ACADM: variants seen among roughly 807,000 people sequenced by gnomAD.
ACADM encodes the protein medium-chain specific acyl-CoA dehydrogenase, mitochondrial.
A neutral mutation model predicts 58.9 loss-of-function variants in ACADM; 49 were observed. The ratio of observed to expected loss-of-function variants is 0.83; its 90% CI spans 0.66 to 1.06. ACADM has a LOEUF of 1.06. ACADM is among the 50% of genes least tolerant of loss of function. The probability of loss-of-function intolerance (pLI) is 0.00; values close to 1 mark genes in which losing one functional copy is unlikely to be tolerated. For synonymous variants in ACADM, 160 were observed against 157.7 expected (o/e 1.01, Z -0.11); for missense variants, 496 against 507.0 (o/e 0.98, Z 0.21).
chr1:75,738,452 C>A (rs1003089685), intron 6 of ACADM, among the ~76,000 whole-genome samples: 35 of 151,866 alleles, frequency 2.3e-4, no homozygotes, highest in Admixed American at 1.6e-3. Context: ...GAACTCCTAA[C>A]CTCAGGTGAC....
At chr1:75,736,545 C>T (rs1448878581) in intron 6 of ACADM, among the ~76,000 whole-genome samples, 1 of 152,118 alleles carries the variant, frequency 6.6e-6, no homozygotes, top group African/African-American at 2.4e-5. Flanking sequence ...GTAGCATATA[C>T]AGTCAGCTCT....
chr1:75,744,038 T>C (rs1647740385), intron 7 of ACADM: 4 of 1,583,610 alleles, frequency 2.5e-6, no homozygotes, highest in Admixed American at 1.7e-5. Context: ...ATTGTCAGCA[T>C]TGGCACATGT....
chr1:75,729,696 G>A (rs925993768), intron 2 of ACADM, among the ~76,000 whole-genome samples: 12 of 150,760 alleles, frequency 8.0e-5, no homozygotes, highest in Admixed American at 3.3e-4. Flanking sequence ...GTTTTGCCAC[G>A]TTGGCCAGGC....
intron 10 of ACADM, among the ~76,000 whole-genome samples, chr1:75,752,647 T>C (rs1159878999): frequency 8.5e-5 from 13 of 152,240 alleles, no homozygotes; most frequent in Admixed American, 8.5e-4. Flanking sequence ...TTTTCCATTA[T>C]ACCTTCTGTT....
At chr1:75,761,531 A>G in intron 11 of ACADM, 161 bp downstream of exon 11, 1 of 757,868 alleles carries the variant, frequency 1.3e-6, no homozygotes, top group East Asian at 2.7e-5. Flanking sequence ...TAGAAAGAAG[A>G]ATGTTATTTG....
chr1:75,761,371 G>A lies in ACADM; in HGVS notation c.1194+1G>A, dbSNP rs769331400. The A allele has an allele frequency of 2.5e-6, 4 of 1,613,626 alleles. No individual in the cohort carries two copies. In the Admixed American group the frequency reaches 5.0e-5, roughly 20 times the overall value. On this transcript the variant is annotated splice_donor_variant, in intron 11 of 11. Coordinates refer to ENST00000370841, the MANE Select transcript of ACADM (RefSeq NM_000016.6). LOFTEE classifies it high-confidence loss of function. ...AATGAGGGATGCCAAAATCTATCAG[G>A]TAAGGTTAAAGATGATTTTTTTGGT...
intron 6 of ACADM, among the ~76,000 whole-genome samples, chr1:75,735,077 T>C (rs1647219225): frequency 6.6e-6 from 1 of 152,118 alleles, no homozygotes; most frequent in African/African-American, 2.4e-5. Context: ...CCCAGCACTT[T>C]GGGAGGCGGA....
chr1:75,761,171 T>C lies in ACADM; in HGVS notation c.995T>C (p.Leu332Pro). Reference sequence around the variant, plus strand: ...GCTGAAATGGCAATGAAAGTTGAACTAGCTAGAATGAGTTACCAGAGAGCA... The same window carrying C: ...GCTGAAATGGCAATGAAAGTTGAACCAGCTAGAATGAGTTACCAGAGAGCA... ...MLAEMAMKVE[L>P]ARMSYQRAAW... Residue 332 changes from leucine to proline, a missense_variant, in exon 11 of 12, where the codon CTA (leucine) becomes CCA (proline). By Grantham distance (98) the Leu-to-Pro change is moderately conservative. Coordinates refer to ENST00000370841, the MANE Select transcript of ACADM (RefSeq NM_000016.6). The C allele has an allele frequency of 6.2e-7, 1 of 1,614,134 alleles. No individual in the cohort carries two copies. The highest frequency in any genetic ancestry group is 8.5e-7 in the Non-Finnish European group (1 of 1,179,954).
At chr1:75,744,037 A>T in intron 7 of ACADM, 1 of 1,583,980 alleles carries the variant, frequency 6.3e-7, no homozygotes, top group East Asian at 2.2e-5. Flanking sequence ...AATTGTCAGC[A>T]TTGGCACATG....
intron 7 of ACADM, chr1:75,743,919 C>A: frequency 6.7e-7 from 1 of 1,493,842 alleles, no homozygotes. Context: ...AGGCTGAGGC[C>A]TTCACAGATG....
chr1:75,736,173 TACAC>T (rs10647103), intron 6 of ACADM, among the ~76,000 whole-genome samples: 35 of 144,558 alleles, frequency 2.4e-4, no homozygotes, highest in South Asian at 6.7e-4. Flanking sequence ...CACACAGACA[TACAC>T]ACACACACAC....
intron 10 of ACADM, among the ~76,000 whole-genome samples, chr1:75,759,678 T>TTG (rs1648714913): frequency 7.7e-6 from 1 of 130,020 alleles, no homozygotes; most frequent in African/African-American, 2.8e-5. Context: ...TTTTTTTTTT[T>TTG]GAGACAGAGT....
intron 10 of ACADM, among the ~76,000 whole-genome samples, chr1:75,751,537 C>T (rs944615795): frequency 6.0e-5 from 9 of 150,104 alleles, no homozygotes; most frequent in South Asian, 2.1e-4. Context: ...CTTGCTCTGT[C>T]GTCCAAGCTG....
chr1:75,743,866 T>C (rs1647729778), intron 7 of ACADM: 1 of 1,419,262 alleles, frequency 7.0e-7, no homozygotes, highest in East Asian at 2.3e-5. Context: ...TTTGGTTATA[T>C]CATCAATCAC....
intron 1 of ACADM, 106 bp from the exon 2 acceptor site, chr1:75,728,295 G>C: frequency 3.8e-6 from 3 of 799,240 alleles, no homozygotes; most frequent in Non-Finnish European, 3.9e-6. Flanking sequence ...TAAAAACTAT[G>C]AGTATGGTCA....
At chr1:75,756,608 A>C (rs2100438378) in intron 10 of ACADM, among the ~76,000 whole-genome samples, 1 of 152,348 alleles carries the variant, frequency 6.6e-6, no homozygotes, top group South Asian at 2.1e-4. Context: ...GGTAGGAAGA[A>C]TCAATATCGT....
At chr1:75,737,296 A>G (rs1344018922) in intron 6 of ACADM, among the ~76,000 whole-genome samples, 3 of 91,786 alleles carry the variant, frequency 3.3e-5, no homozygotes, top group African/African-American at 1.2e-4. Flanking sequence ...ATATATATAT[A>G]TATATATATA....
In ACADM at chr1:75,763,628, ATATTT is replaced by A. The variant is rs1187583706; in HGVS notation, c.*868_*872del. The A allele has an allele frequency of 6.6e-6, 1 of 152,206 alleles. No individual in the cohort carries two copies. The highest frequency in any genetic ancestry group is 1.5e-5 in the Non-Finnish European group (1 of 68,030). The allele number at this position is 152,206 out of a possible 1,614,324, so 9.4% of individuals were successfully genotyped here. On this transcript the variant is annotated 3_prime_UTR_variant, in exon 12 of 12. Coordinates refer to ENST00000370841, the MANE Select transcript of ACADM (RefSeq NM_000016.6). Reference sequence around the variant, plus strand: ...AAGTTACCTGTTCATTTTTTATTAGATATTTTAAAGACTTCAGAAAATATAAATAT... The same window carrying A: ...AAGTTACCTGTTCATTTTTTATTAGATAAAGACTTCAGAAAATATAAATAT...
chr1:75,744,825 A>G (rs1028360236), intron 7 of ACADM: 4 of 487,546 alleles, frequency 8.2e-6, no homozygotes, highest in South Asian at 4.0e-5. Context: ...AGGCAGCTCT[A>G]TTTGCCCTCC....
Sources: allele counts gnomAD v4.1 joint callset (sites outside exome capture counted in the v4.1 genomes callset), GRCh38; gene constraint gnomAD v4.1.1; transcripts MANE v1.5; gene names NCBI Gene and HGNC (gene_info 2026-07-23, HGNC 2026-07-21).